Variants in TGFA observed in about 807,000 individuals in gnomAD.
TGFA encodes protransforming growth factor alpha.
TGFA carries 12 observed loss-of-function variants against 21.7 expected under a neutral mutation model. That is an observed-to-expected ratio of 0.55 (90% confidence interval 0.35 to 0.90). The LOEUF is 0.90. TGFA is among the 40% of genes least tolerant of loss of function. The pLI is 0.01. For missense variants in TGFA, 178 were observed against 210.8 expected (o/e 0.84, Z 0.96); for synonymous variants, 79 against 88.1 (o/e 0.90, Z 0.58).
intron 2 of TGFA, among the ~76,000 whole-genome samples, chr2:70,475,669 G>A (rs952845434): frequency 6.6e-6 from 1 of 152,090 alleles, no homozygotes; most frequent in Non-Finnish European, 1.5e-5. Context: ...AGGGCTAAGA[G>A]TCCCAAGGCA....
At chr2:70,521,009 T>A (rs17005788) in intron 1 of TGFA, among the ~76,000 whole-genome samples, 5,789 of 152,004 alleles carry the variant, frequency 0.038, 356 homozygotes, top group African/African-American at 0.13. Context: ...TCCCCCTGCA[T>A]CCCTGCTGTT....
intron 1 of TGFA, chr2:70,553,420 T>C (rs1190029523): frequency 4.2e-6 from 6 of 1,432,024 alleles, no homozygotes; most frequent in East Asian, 5.0e-5. Flanking sequence ...GGCATGTGTC[T>C]GAGCAGACAC....
chr2:70,536,201 A>G (rs929688401), intron 1 of TGFA, among the ~76,000 whole-genome samples: 1 of 152,246 alleles, frequency 6.6e-6, no homozygotes, highest in Admixed American at 6.5e-5. Context: ...CGAAGTTACT[A>G]AGCAATCCTT....
intron 1 of TGFA, chr2:70,553,262 T>C: frequency 6.5e-7 from 1 of 1,535,894 alleles, no homozygotes; most frequent in Non-Finnish European, 8.7e-7. Context: ...CGCTGGGGCT[T>C]AGAGGTGGGC....
chr2:70,521,863 T>C (rs1257797629), intron 1 of TGFA, among the ~76,000 whole-genome samples: 3 of 152,128 alleles, frequency 2.0e-5, no homozygotes, highest in Admixed American at 6.5e-5. Flanking sequence ...TTCACCTGCC[T>C]TGGCCTCCCA....
chr2:70,529,551 T>C (rs1223707104), intron 1 of TGFA, among the ~76,000 whole-genome samples: 1 of 150,850 alleles, frequency 6.6e-6, no homozygotes. Context: ...TGGAAATATC[T>C]GGAGGAAGAG....
At chr2:70,460,711 G>T (rs1670381414) in intron 3 of TGFA, among the ~76,000 whole-genome samples, 2 of 152,178 alleles carry the variant, frequency 1.3e-5, no homozygotes, top group South Asian at 2.1e-4. Flanking sequence ...AGTATGGTCA[G>T]CCCTACTTAC....
At chr2:70,508,587 G>A (rs112746254) in intron 2 of TGFA, among the ~76,000 whole-genome samples, 7 of 152,250 alleles carry the variant, frequency 4.6e-5, no homozygotes, top group African/African-American at 1.7e-4. Flanking sequence ...AGTGATATGG[G>A]TGTAATTCAT....
intron 1 of TGFA, among the ~76,000 whole-genome samples, chr2:70,549,584 A>C (rs1673422659): frequency 6.6e-6 from 1 of 152,214 alleles, no homozygotes; most frequent in Non-Finnish European, 1.5e-5. Flanking sequence ...TGAGTGTGAC[A>C]CCAAGCACAA....
chr2:70,470,851 A>T (rs1051338231), intron 2 of TGFA, among the ~76,000 whole-genome samples: 2 of 152,026 alleles, frequency 1.3e-5, no homozygotes, highest in Non-Finnish European at 2.9e-5. Context: ...GTTGTTTATT[A>T]AAAAAAACCC....
chr2:70,486,945 G>A (rs1671287468), intron 2 of TGFA, among the ~76,000 whole-genome samples: 1 of 152,070 alleles, frequency 6.6e-6, no homozygotes, highest in Admixed American at 6.6e-5. Context: ...TGTATTTTTA[G>A]TAGAGATGGG....
intron 2 of TGFA, among the ~76,000 whole-genome samples, chr2:70,472,027 T>C (rs1851610): frequency 0.54 from 81,357 of 151,782 alleles, 22,053 homozygotes; most frequent in African/African-American, 0.59. Flanking sequence ...TTTTTCTCTA[T>C]CTCCCTTCAC....
intron 2 of TGFA, among the ~76,000 whole-genome samples, chr2:70,478,546 A>G (rs931846679): frequency 2.6e-5 from 4 of 152,082 alleles, no homozygotes; most frequent in African/African-American, 9.7e-5. Context: ...TCTTGATCAT[A>G]TCTTGTTATA....
intron 5 of TGFA, 79 bp from the exon 6 acceptor site, chr2:70,450,945 T>C: frequency 2.0e-6 from 3 of 1,528,614 alleles, no homozygotes; most frequent in Non-Finnish European, 1.8e-6. Context: ...GGAAAGAGAC[T>C]TGGAGATGGC....
Position 70,450,641 on chromosome 2 carries a change from G to A in TGFA, c.*218C>T, listed in dbSNP as rs920173805. On this transcript the variant is annotated 3_prime_UTR_variant, in exon 6 of 6. Coordinates refer to ENST00000295400, the MANE Select transcript of TGFA (RefSeq NM_003236.4). The stretch of plus-strand genomic sequence containing the variant: ...TTCTTTTTTAACAAGTCTTGAAATC[G>A]TGGTCCGCTGATTTCTTCTCTAGGT... 1.6e-4 allele frequency: 91 copies of A among 555,628 alleles called. No homozygotes were observed. The highest frequency in any genetic ancestry group is 2.5e-4 in the Non-Finnish European group (75 of 306,034). 34.4% of individuals were successfully genotyped at this position (555,628 alleles called of 1,614,324 possible).
intron 1 of TGFA, among the ~76,000 whole-genome samples, chr2:70,536,503 C>G (rs1672972189): frequency 6.6e-6 from 1 of 152,138 alleles, no homozygotes; most frequent in South Asian, 2.1e-4. Flanking sequence ...AATGCATGCT[C>G]TCAGACCACG....
chr2:70,513,644 C>T (rs1294541742), intron 2 of TGFA, among the ~76,000 whole-genome samples: 4 of 152,194 alleles, frequency 2.6e-5, no homozygotes, highest in African/African-American at 4.8e-5. Flanking sequence ...GCTGCAGGAG[C>T]AGTGGTACCC....
At chr2:70,463,793 T>A (rs1670471558) in intron 3 of TGFA, among the ~76,000 whole-genome samples, 1 of 152,072 alleles carries the variant, frequency 6.6e-6, no homozygotes, top group Admixed American at 6.6e-5. Context: ...AGGGCAAACT[T>A]CCTTCAGGGC....
chr2:70,452,079 G>A (rs1329174691), intron 5 of TGFA, among the ~76,000 whole-genome samples: 1 of 152,148 alleles, frequency 6.6e-6, no homozygotes, highest in Non-Finnish European at 1.5e-5. Context: ...GAGCTCTAAT[G>A]AATGCACATG....
Sources: allele counts gnomAD v4.1 joint callset (sites outside exome capture counted in the v4.1 genomes callset), GRCh38; gene constraint gnomAD v4.1.1; transcripts MANE v1.5; gene names NCBI Gene and HGNC (gene_info 2026-07-23, HGNC 2026-07-21).